Variants in ZFYVE26 observed in about 807,000 individuals in gnomAD.
The protein encoded by ZFYVE26 is zinc finger FYVE domain-containing protein 26.
Under a neutral mutation model 276.5 loss-of-function variants are expected in ZFYVE26, and 181 were observed. That is an observed-to-expected ratio of 0.65 (90% CI 0.58 to 0.74). ZFYVE26 has a LOEUF of 0.74. Among genes scored for constraint, ZFYVE26 ranks in the 30% least tolerant of loss-of-function variants. The pLI is 0.00. For synonymous variants in ZFYVE26, 1,129 were observed against 1,203.1 expected, an observed-to-expected ratio of 0.94 and a Z score of 1.27; for missense variants, 2,821 against 3,097.9, an observed-to-expected ratio of 0.91 and a Z score of 2.12.
Position 67,748,537 on chromosome 14 carries a change from C to G in ZFYVE26, c.7519G>C (p.Ala2507Pro). The change falls in exon 42 of 42, where the codon GCC becomes CCC. Residue 2507 changes from alanine to proline, a missense_variant. Coordinates refer to ENST00000347230, the MANE Select transcript of ZFYVE26 (RefSeq NM_015346.4). ...ACTGCATCCCCGCTGCTCTTGGCGG[C>G]CTGCTGCACCTGCTGGACAAGGGCT... Reference protein sequence around the residue: ...ATALVQQVQQAAKSSGDAVVQ... With the variant: ...ATALVQQVQQPAKSSGDAVVQ... The G allele has an allele frequency of 1.2e-6, 2 of 1,614,140 alleles. No individual in the cohort carries two copies. The highest frequency in any genetic ancestry group is 1.7e-6 in the Non-Finnish European group (2 of 1,180,004).
intron 12 of ZFYVE26, among the ~76,000 whole-genome samples, chr14:67,795,363 TAG>T (rs1407242868): frequency 6.6e-6 from 1 of 152,226 alleles, no homozygotes; most frequent in Non-Finnish European, 1.5e-5. Context: ...GCCACTTAGC[TAG>T]AGCCTACTCA....
intron 32 of ZFYVE26, 136 bp downstream of exon 32, chr14:67,766,091 C>T (rs555609960): frequency 1.9e-5 from 17 of 888,444 alleles, no homozygotes; most frequent in East Asian, 1.0e-4. Flanking sequence ...GTTTCATCAA[C>T]ATTACACAGA....
At chr14:67,805,147 G>T in intron 8 of ZFYVE26, 70 bp downstream of exon 8, 1 of 1,467,560 alleles carries the variant, frequency 6.8e-7, no homozygotes, top group Non-Finnish European at 9.5e-7. Context: ...GCCTTGAAAT[G>T]GCCACACATG....
Position 67,793,747 on chromosome 14 carries a change from C to T in ZFYVE26, c.2414G>A (p.Ser805Asn), listed in dbSNP as rs751853980. 1.4e-5 allele frequency: 23 copies of T among 1,613,896 alleles called. No homozygotes were observed. Among genetic ancestry groups the T allele is most frequent in the Non-Finnish European group, 1.9e-5 (23 of 1,179,970 alleles). Residue 805 changes from serine (S) to asparagine (N), a missense_variant, in exon 14 of 42, where the codon AGT (serine) becomes AAT (asparagine). Coordinates refer to ENST00000347230, the MANE Select transcript of ZFYVE26 (RefSeq NM_015346.4). ...CAGCTCATTCCGGCCAGACATGGCA[C>T]TCAGACTTCCCTCTGTTGGGACACA... ...LSTSTSEGSL[S>N]AMSGRNELHS...
At chr14:67,785,719 G>A in intron 18 of ZFYVE26, 139 bp downstream of exon 18, 2 of 1,158,376 alleles carry the variant, frequency 1.7e-6, no homozygotes, top group Non-Finnish European at 2.6e-6. Flanking sequence ...GAGACATTGA[G>A]ACATGCCCTG....
At chr14:67,757,277 C>T (rs1478731310) in intron 35 of ZFYVE26, among the ~76,000 whole-genome samples, 1 of 152,256 alleles carries the variant, frequency 6.6e-6, no homozygotes, top group East Asian at 1.9e-4. Flanking sequence ...TACTCCTCTG[C>T]TCACAGTCTC....
rs776821378 is a variant in ZFYVE26 at position 67,756,129 on chromosome 14, ACTT to A, written c.6602_6604del (p.Glu2201del). On this transcript the variant is annotated inframe_deletion, in exon 36 of 42. Coordinates refer to ENST00000347230, the MANE Select transcript of ZFYVE26 (RefSeq NM_015346.4). ...TGGTTGGAAAATGCCTTCTATAAAA[ACTT>A]CTGGAGGACTCTCCTGGAGCAGGGC... 2 of 1,614,026 alleles carry A rather than the reference ACTT, an allele frequency of 1.2e-6. No homozygotes were observed. The highest frequency in any genetic ancestry group is 1.1e-5 in the South Asian group (1 of 91,076).
In ZFYVE26 at chr14:67,807,585, C is replaced by T. The variant is rs2040209599; in HGVS notation, c.699G>A (p.Gly233=). 1 of 1,614,102 alleles carries T rather than the reference C, an allele frequency of 6.2e-7. No homozygotes were observed. Among genetic ancestry groups the T allele is most frequent in the Non-Finnish European group, 8.5e-7 (1 of 1,180,044 alleles). Residue 233 remains glycine (G), a synonymous_variant, in exon 5 of 42, where the codon GGG becomes GGA. Coordinates refer to ENST00000347230, the MANE Select transcript of ZFYVE26 (RefSeq NM_015346.4). ...CCTCACACAGGAGATGCAACTCAACCCCAAGTGGTTCTGCGGGGCAACGCA... is the reference window on the plus strand; with the variant it reads ...CCTCACACAGGAGATGCAACTCAACTCCAAGTGGTTCTGCGGGGCAACGCA... The part of the protein sequence containing the change: ...RTLRCPAEPL[G]VELHLLCEEL...
intron 3 of ZFYVE26, among the ~76,000 whole-genome samples, chr14:67,812,240 T>A (rs2140257291): frequency 6.6e-6 from 1 of 152,216 alleles, no homozygotes; most frequent in Non-Finnish European, 1.5e-5. Flanking sequence ...GACATGGGAG[T>A]TGTTTCAGTT....
chr14:67,751,140 G>A (rs780733229), intron 40 of ZFYVE26, 44 bp from the exon 41 acceptor site: 14 of 1,611,592 alleles, frequency 8.7e-6, no homozygotes, highest in Admixed American at 3.3e-5. Flanking sequence ...GAAGAGTCCC[G>A]CAGTCTGGGA....
At chr14:67,808,268 C>G (rs1039830627) in intron 4 of ZFYVE26, among the ~76,000 whole-genome samples, 1 of 152,112 alleles carries the variant, frequency 6.6e-6, no homozygotes, top group African/African-American at 2.4e-5. Flanking sequence ...TCAAGGTCTG[C>G]CAACTCACAG....
At chr14:67,763,107 G>A (rs954771719) in intron 32 of ZFYVE26, among the ~76,000 whole-genome samples, 5 of 152,096 alleles carry the variant, frequency 3.3e-5, no homozygotes, top group Non-Finnish European at 7.3e-5. Context: ...GCTTCACCAC[G>A]TTGGCCAGGC....
chr14:67,752,606 A>G (rs1594882743), intron 39 of ZFYVE26, 80 bp from the exon 40 acceptor site: 2 of 1,462,744 alleles, frequency 1.4e-6, no homozygotes, highest in East Asian at 4.5e-5. Context: ...AAAAGCTCTC[A>G]CTATGCTTGG....
At chr14:67,781,866 T>A (rs2039509185) in intron 21 of ZFYVE26, among the ~76,000 whole-genome samples, 1 of 152,208 alleles carries the variant, frequency 6.6e-6, no homozygotes, top group Non-Finnish European at 1.5e-5. Flanking sequence ...CATATAGGAC[T>A]GTTTCAGACT....
intron 40 of ZFYVE26, 107 bp from the exon 41 acceptor site, chr14:67,751,203 G>A: frequency 7.5e-7 from 1 of 1,328,852 alleles, no homozygotes; most frequent in Non-Finnish European, 1.1e-6. Flanking sequence ...GAATGAAAAT[G>A]TCTGCCTGAC....
At chr14:67,784,494 CCT>C in intron 19 of ZFYVE26, 58 bp from the exon 20 acceptor site, 1 of 1,495,136 alleles carries the variant, frequency 6.7e-7, no homozygotes, top group Non-Finnish European at 9.3e-7. Context: ...AGTTCAGAGC[CCT>C]GTTTCCCAGA....
At chr14:67,755,897 A>G in intron 36 of ZFYVE26, 51 bp downstream of exon 36, 1 of 1,598,596 alleles carries the variant, frequency 6.3e-7, no homozygotes, top group Non-Finnish European at 8.6e-7. Context: ...CCTCTCCTGC[A>G]GGGTGGGGCA....
chr14:67,757,113 C>A (rs553865996), intron 35 of ZFYVE26, among the ~76,000 whole-genome samples: 1 of 152,308 alleles, frequency 6.6e-6, no homozygotes, highest in South Asian at 2.1e-4. Context: ...TTCCCACCAC[C>A]TCCCCTGGAC....
chr14:67,761,378 G>C lies in ZFYVE26; in HGVS notation c.6576C>G (p.His2192Gln). 1 of 1,612,942 alleles carries C rather than the reference G, an allele frequency of 6.2e-7. No individual in the cohort carries two copies. Among genetic ancestry groups the C allele is most frequent in the Non-Finnish European group, 8.5e-7 (1 of 1,179,418 alleles). ...GTCCATGTCCCACCTTGTTGAGAAG[G>C]TGCAGAAGAGCTTCCCGCAGGCAGC... is the stretch of plus-strand genomic sequence containing the variant. ...RHSCLREALL[H>Q]LLNKESPPEV... The change falls in exon 35 of 42, where the codon CAC becomes CAG. Residue 2192 changes from histidine to glutamine, a missense_variant. By Grantham distance (24) the His-to-Gln change is conservative (BLOSUM62 0). Transcript: ENST00000347230.
Sources: gnomAD v4.1 joint callset for allele counts (sites outside exome capture counted in the v4.1 genomes callset) on GRCh38, gnomAD v4.1.1 for gene constraint, MANE v1.5 for transcripts, NCBI Gene and HGNC (gene_info 2026-07-23, HGNC 2026-07-21) for gene names.